The following PCDHGA2 variants were observed in gnomAD, a reference collection of about 807,000 sequenced individuals.
PCDHGA2 encodes the protein protocadherin gamma subfamily A, 2, also known as protocadherin gamma-A2.
Under a neutral mutation model 59.2 loss-of-function variants are expected in PCDHGA2, and 40 were observed. The observed-to-expected ratio is 0.68, with a 90% CI of 0.52 to 0.88. The LOEUF (loss-of-function observed/expected upper bound fraction) is 0.88. Ranked by LOEUF, PCDHGA2 falls within the 40% of genes least tolerant of loss-of-function variation. The pLI is 0.00. For synonymous variants in PCDHGA2, 560 were observed against 526.0 expected, an observed-to-expected ratio of 1.06 and a Z score of -0.89; for missense variants, 1,226 against 1,204.0, an observed-to-expected ratio of 1.02 and a Z score of -0.27.
Position 141,485,046 on chromosome 5 carries a change from G to A in PCDHGA2, c.2425-9761G>A. On this transcript the variant is annotated intron_variant, in intron 1 of 3. Transcript: ENST00000394576. This position sits in a 1 kb window ranked among gnomAD's most constrained non-coding sequence, Gnocchi z 5.7. ...AAAAACGGCGCGTAACCCTTGCGGCGCCGGCCGAACCGCGCCAGAGCTGGC... is the reference window on the plus strand; with the variant it reads ...AAAAACGGCGCGTAACCCTTGCGGCACCGGCCGAACCGCGCCAGAGCTGGC... 2 of 750,304 alleles carry A rather than the reference G, an allele frequency of 2.7e-6. No individual in the cohort carries two copies. The highest frequency in any genetic ancestry group is 4.5e-6 in the Non-Finnish European group (2 of 443,046). The allele number at this position is 750,304 out of a possible 1,614,324, so 46.5% of individuals were successfully genotyped here. A position where few individuals can be genotyped will look rare whatever the true frequency, so the allele number is the denominator to read the frequency against.
intron 1 of PCDHGA2, chr5:141,355,373 A>C (rs1279617045): frequency 6.2e-7 from 1 of 1,613,924 alleles, no homozygotes; most frequent in African/African-American, 1.3e-5. Context: ...GCGCCCCGGG[A>C]GCTGGCGGAG....
Position 141,427,553 on chromosome 5 carries a change from TG to T in PCDHGA2, c.2425-67253del, listed in dbSNP as rs201716174. ...AGTACAACGTCACCATCACTGCCAC[TG>T]ACAAGGGCAAGCCTCCGCTCTCATC... On this transcript the variant is annotated intron_variant, in intron 1 of 3. Transcript: ENST00000394576. 2.7e-3 allele frequency: 1,760 copies of T among 646,124 alleles called. 23 individuals are homozygous for T. In the African/African-American group the frequency reaches 0.028, roughly 10 times the overall value. 40.0% of individuals were successfully genotyped at this position (646,124 alleles called of 1,614,324 possible).
At chr5:141,352,364 G>A (rs758290229) in intron 1 of PCDHGA2, 1 of 1,613,988 alleles carries the variant, frequency 6.2e-7, no homozygotes, top group South Asian at 1.1e-5. Flanking sequence ...CTTTCTCCTC[G>A]CGGTGATTCT....
intron 1 of PCDHGA2, chr5:141,376,394 C>T (rs1772639427): frequency 3.1e-6 from 5 of 1,614,110 alleles, no homozygotes; most frequent in South Asian, 1.1e-5. Context: ...TCTGATTTTC[C>T]CCCAGCCCAA....
At chr5:141,365,363 CCCGAAG>C in intron 1 of PCDHGA2, 1 of 1,613,782 alleles carries the variant, frequency 6.2e-7, no homozygotes, top group African/African-American at 1.3e-5. Context: ...TGACAATGCC[CCCGAAG>C]TGATCCTCAC....
intron 1 of PCDHGA2, chr5:141,408,126 C>T: frequency 1.5e-5 from 22 of 1,479,600 alleles, no homozygotes; most frequent in Non-Finnish European, 1.6e-5. Flanking sequence ...TGTCCTGGGC[C>T]GAATGCTCTT....
At position 141,485,314 on chromosome 5, in the gene PCDHGA2, T is replaced by A. The variant is rs1292296791; in HGVS notation, c.2425-9493T>A. The A allele has an allele frequency of 1.2e-6, 2 of 1,614,150 alleles. No homozygotes were observed. The highest frequency in any genetic ancestry group is 1.7e-6 in the Non-Finnish European group (2 of 1,180,032). ...CACAGGAAGGGACTTTTGTAGGGAA[T>A]GTCGCTCAAGATTTCCTGCTGGATA... On this transcript the variant is annotated intron_variant, in intron 1 of 3. Coordinates refer to ENST00000394576, the MANE Select transcript of PCDHGA2 (RefSeq NM_018915.4). This position sits in a 1 kb window ranked among gnomAD's most constrained non-coding sequence, Gnocchi z 5.7.
intron 1 of PCDHGA2, chr5:141,366,399 C>T: frequency 6.2e-7 from 1 of 1,614,192 alleles, no homozygotes; most frequent in Non-Finnish European, 8.5e-7. Context: ...CTGGACCTCA[C>T]ACTCTATCTT....
At chr5:141,413,117 C>T (rs902301902) in intron 1 of PCDHGA2, 42 of 1,509,002 alleles carry the variant, frequency 2.8e-5, no homozygotes, top group Non-Finnish European at 3.6e-5. Flanking sequence ...ACAAAGGAAC[C>T]GGTTGAAACA....
chr5:141,460,961 ATG>A (rs35821115), intron 1 of PCDHGA2, among the ~76,000 whole-genome samples: 22,194 of 144,260 alleles, frequency 0.15, 1,877 homozygotes, highest in South Asian at 0.27. Context: ...GTATATATAT[ATG>A]TGTGTGTGTG....
At chr5:141,389,926 A>G (rs1442843006) in intron 1 of PCDHGA2, 2 of 1,613,766 alleles carry the variant, frequency 1.2e-6, no homozygotes, top group Non-Finnish European at 1.7e-6. Context: ...GACCCCTCTG[A>G]CCTCCAGGCT....
At chr5:141,360,406 G>A in intron 1 of PCDHGA2, 1 of 1,613,978 alleles carries the variant, frequency 6.2e-7, no homozygotes. Context: ...TGACAGAATA[G>A]ACCGAGAACA....
chr5:141,504,510 C>T (rs2099838864), intron 2 of PCDHGA2, among the ~76,000 whole-genome samples: 1 of 151,952 alleles, frequency 6.6e-6, no homozygotes, highest in Non-Finnish European at 1.5e-5. Context: ...GAGTGGATCT[C>T]CTCTGATATA....
rs753973847 is a variant in PCDHGA2 at position 141,340,765 on chromosome 5, G to C, written c.1794G>C (p.Ser598=). Residue 598 remains serine (S), a synonymous_variant, in exon 1 of 4, where the codon TCG becomes TCC. Transcript: ENST00000394576. ...AGGTGGTGGCGGTGGACAGAGACTC[G>C]GGCCAGAACGCCTGGCTGTCTTACC... ...VTKVVAVDRD[S]GQNAWLSYHL... The C allele has an allele frequency of 1.4e-5, 23 of 1,613,690 alleles. No individual in the cohort carries two copies. The highest frequency in any genetic ancestry group is 1.7e-4 in the Middle Eastern group (1 of 5,980).
intron 1 of PCDHGA2, among the ~76,000 whole-genome samples, chr5:141,369,595 C>T (rs1362731201): frequency 6.6e-6 from 1 of 152,190 alleles, no homozygotes; most frequent in Non-Finnish European, 1.5e-5. Flanking sequence ...TACTATACTT[C>T]TATTTTATAA....
chr5:141,416,990 A>C (rs912916110), intron 1 of PCDHGA2: 20 of 151,946 alleles, frequency 1.3e-4, no homozygotes, highest in African/African-American at 4.1e-4. Flanking sequence ...ATTATTGTGC[A>C]TTCATCTCAA....
chr5:141,498,042 A>G (rs1189035278), intron 2 of PCDHGA2, among the ~76,000 whole-genome samples: 2 of 152,238 alleles, frequency 1.3e-5, no homozygotes, highest in Non-Finnish European at 2.9e-5. Flanking sequence ...AATAATTACA[A>G]AAATAAATGT....
intron 1 of PCDHGA2, chr5:141,384,038 G>T: frequency 6.2e-7 from 1 of 1,613,110 alleles, no homozygotes; most frequent in South Asian, 1.1e-5. Flanking sequence ...GGAAAGAATG[G>T]TGAGGTGACC....
rs528371675 is a variant in PCDHGA2 at position 141,389,403 on chromosome 5, G to T, written c.2424+48008G>T. 18 of 1,613,628 alleles carry T rather than the reference G, an allele frequency of 1.1e-5. No individual in the cohort carries two copies. The African/African-American group carries it at 2.4e-4, about 21-fold the overall frequency. On this transcript the variant is annotated intron_variant, in intron 1 of 3. Transcript: ENST00000394576. The stretch of plus-strand genomic sequence containing the variant: ...GCTGTCATCCTACGTGTCCATAAGC[G>T]CGGAGAGCGGGGTGGTGTTCGCGCA...
Sources: gnomAD v4.1 joint callset for allele counts (sites outside exome capture counted in the v4.1 genomes callset) on GRCh38, gnomAD v4.1.1 for gene constraint, Gnocchi (gnomAD v3.1) non-coding constraint, MANE v1.5 for transcripts, NCBI Gene and HGNC (gene_info 2026-07-23, HGNC 2026-07-21) for gene names.